The following FANCD2 variants were observed in gnomAD, a reference collection of about 807,000 sequenced individuals.
FANCD2 encodes Fanconi anemia group D2 protein.
A neutral mutation model predicts 192.3 loss-of-function variants in FANCD2; 131 were observed. The observed-to-expected ratio is 0.68, with a 90% confidence interval of 0.59 to 0.79. FANCD2 has a LOEUF of 0.79. Ranked by LOEUF, FANCD2 falls within the 30% of genes least tolerant of loss-of-function variation. The pLI is 0.00. For missense variants in FANCD2, 1,508 were observed against 1,701.6 expected (o/e 0.89, Z 2.00); for synonymous variants, 524 against 612.5 (o/e 0.86, Z 2.13).
chr3:10,062,732 T>C (rs929268091), intron 20 of FANCD2, among the ~76,000 whole-genome samples: 10 of 152,086 alleles, frequency 6.6e-5, no homozygotes, highest in African/African-American at 2.2e-4. Flanking sequence ...TATTTTTAGA[T>C]GGAGTCTCAA....
chr3:10,079,542 G>GATCCGCCCACCTCGGCCTCCCA (rs920533541), intron 30 of FANCD2, among the ~76,000 whole-genome samples: 1 of 152,076 alleles, frequency 6.6e-6, no homozygotes, highest in Non-Finnish European at 1.5e-5. Context: ...CTGACCTCAT[G>GATCCGCCCACCTCGGCCTCCCA]ATCCGCCCAC....
chr3:10,047,520 A>G (rs2087057168), intron 15 of FANCD2, among the ~76,000 whole-genome samples: 1 of 152,290 alleles, frequency 6.6e-6, no homozygotes, highest in South Asian at 2.1e-4. Context: ...TTTTAAAAAA[A>G]TCAGCTTAGT....
rs1693428697 is a variant in FANCD2, at chr3:10,074,542, A to G, written c.2728A>G (p.Lys910Glu). ...RGQLNKEFTG[K>E]EEKTSLLLHN... ...GACTTCCCCATAGGAGTTCACAGGG[A>G]AGGAAGAAAAGACATCATTGTTACT... The change falls in exon 29 of 44, where the codon AAG (lysine) becomes GAG (glutamate). Residue 910 changes from lysine (K) to glutamate (E), a missense_variant. Coordinates refer to ENST00000675286, the MANE Select transcript of FANCD2 (RefSeq NM_001018115.3). The G allele has an allele frequency of 1.2e-6, 2 of 1,613,676 alleles. No homozygotes were observed. The highest frequency in any genetic ancestry group is 1.7e-6 in the Non-Finnish European group (2 of 1,179,812).
At chr3:10,050,595 T>C (rs271994) in intron 17 of FANCD2, among the ~76,000 whole-genome samples, 20 of 128,398 alleles carry the variant, frequency 1.6e-4, no homozygotes, top group South Asian at 4.9e-4. Flanking sequence ...TGCACTCCAG[T>C]CTGGGCGACA....
At chr3:10,085,718 TA>T in intron 32 of FANCD2, 93 bp from the exon 33 acceptor site, 1 of 850,248 alleles carries the variant, frequency 1.2e-6, no homozygotes, top group Non-Finnish European at 2.0e-6. Context: ...ACCGTTAAAC[TA>T]TTGATGGTAC....
chr3:10,087,001 C>A, intron 33 of FANCD2, 133 bp from the exon 34 acceptor site: 1 of 968,630 alleles, frequency 1.0e-6, no homozygotes, highest in Non-Finnish European at 1.7e-6. Context: ...GCTACTAAAG[C>A]ACCTGAAAAT....
At chr3:10,071,828 C>T (rs1218517127) in intron 26 of FANCD2, among the ~76,000 whole-genome samples, 2 of 152,126 alleles carry the variant, frequency 1.3e-5, no homozygotes, top group African/African-American at 4.8e-5. Context: ...GGCACAGTCT[C>T]GGCTTACTGC....
chr3:10,046,452 G>A (rs995862262), intron 14 of FANCD2, 128 bp from the exon 15 acceptor site: 1 of 1,476,030 alleles, frequency 6.8e-7, no homozygotes, highest in Non-Finnish European at 9.2e-7. Context: ...ATACTCCCAG[G>A]GGAGTGTGTG....
At chr3:10,074,298 C>G (rs540903797) in intron 28 of FANCD2, among the ~76,000 whole-genome samples, 6 of 152,116 alleles carry the variant, frequency 3.9e-5, no homozygotes, top group Non-Finnish European at 7.4e-5. Context: ...AATAGATCAT[C>G]CCTAAATAGA....
Position 10,098,708 on chromosome 3 carries a change from A to G in FANCD2, c.4186-12A>G, listed in dbSNP as rs1302907439. The G allele has an allele frequency of 2.5e-6, 4 of 1,614,054 alleles. No individual in the cohort carries two copies. Among genetic ancestry groups the G allele is most frequent in the Non-Finnish European group, 3.4e-6 (4 of 1,179,960 alleles). On this transcript the variant is annotated splice_polypyrimidine_tract_variant and intron_variant, in intron 42 of 43. Coordinates refer to ENST00000675286, the MANE Select transcript of FANCD2 (RefSeq NM_001018115.3). ...TTATAACCCACCATTTTCTTGGTCC[A>G]TTCACATTTAGGGTGAAGAGATTAA...
rs1325015255 is a variant in FANCD2 at position 10,074,667 on chromosome 3, C to T, written c.2853C>T (p.His951=). Residue 951 remains histidine, a synonymous_variant, in exon 29 of 44, where the codon CAC becomes CAT. Coordinates refer to ENST00000675286, the MANE Select transcript of FANCD2 (RefSeq NM_001018115.3). The part of the protein sequence containing the change: ...VTKFILDTEM[H]TEATEVVQLG... ...AGTTCATCTTAGATACTGAAATGCACACTGAAGTAAGTGACAGGCTAGGAT... is the reference window on the plus strand; with the variant it reads ...AGTTCATCTTAGATACTGAAATGCATACTGAAGTAAGTGACAGGCTAGGAT... The T allele has an allele frequency of 1.2e-6, 2 of 1,613,680 alleles. No individual in the cohort carries two copies. The highest frequency in any genetic ancestry group is 2.2e-5 in the East Asian group (1 of 44,814).
intron 9 of FANCD2, chr3:10,041,039 C>G (rs564643032): frequency 6.1e-6 from 1 of 164,460 alleles, no homozygotes; most frequent in African/African-American, 2.4e-5. Context: ...CAAAAACATA[C>G]AAAAATTAGG....
At chr3:10,032,382 G>T in intron 2 of FANCD2, 1 of 329,420 alleles carries the variant, frequency 3.0e-6, no homozygotes, top group Non-Finnish European at 5.9e-6. Context: ...CTGGGCTCAA[G>T]TTATTCTTCC....
At chr3:10,086,405 T>G (rs1257568173) in intron 33 of FANCD2, among the ~76,000 whole-genome samples, 1 of 152,118 alleles carries the variant, frequency 6.6e-6, no homozygotes, top group Non-Finnish European at 1.5e-5. Context: ...TGACTTGGTC[T>G]TTCTCTCACT....
chr3:10,033,948 C>T (rs1454701657), intron 3 of FANCD2, among the ~76,000 whole-genome samples: 13 of 150,682 alleles, frequency 8.6e-5, no homozygotes, highest in Non-Finnish European at 1.6e-4. Flanking sequence ...CCACCTGCCT[C>T]GGCCTCCCAA....
chr3:10,027,636 T>C (rs1402910396), intron 1 of FANCD2, among the ~76,000 whole-genome samples: 4 of 150,984 alleles, frequency 2.6e-5, no homozygotes, highest in Admixed American at 1.3e-4. Flanking sequence ...CGGGCGCGGT[T>C]GGCTCACGCC....
Position 10,064,742 on chromosome 3 carries a change from C to T in FANCD2, c.2035C>T (p.Pro679Ser), listed in dbSNP as rs747164592. Reference protein sequence around the residue: ...CVVPEGDFPFPVKALYGLEEY... With the variant: ...CVVPEGDFPFSVKALYGLEEY... ...TTTTCTCCGCAGTGACTTTCCATTT[C>T]CTGTGAAAGCACTGTACGGACTGGA... The change falls in exon 23 of 44, where the codon CCT becomes TCT. Residue 679 changes from proline to serine, a missense_variant. Transcript: ENST00000675286. 1 of 1,614,168 alleles carries T rather than the reference C, an allele frequency of 6.2e-7. No homozygotes were observed. Among genetic ancestry groups the T allele is most frequent in the Non-Finnish European group, 8.5e-7 (1 of 1,179,984 alleles).
chr3:10,050,495 C>T (rs55724940), intron 17 of FANCD2, among the ~76,000 whole-genome samples: 23,283 of 151,536 alleles, frequency 0.15, 1,853 homozygotes, highest in African/African-American at 0.18. Flanking sequence ...TCGTGGCGGT[C>T]GCCTGTAGTC....
Position 10,069,980 on chromosome 3 carries a change from C to A in FANCD2, c.2494+2663C>A, listed in dbSNP as rs933587663. On this transcript the variant is annotated intron_variant, in intron 26 of 43. Transcript: ENST00000675286. ...GCTGCCCAGTCTGGAAAGTGAGGAG[C>A]GTCTCTGCCCGGCCGCCATCCCATC... Among the ~76,000 whole-genome samples, 11 of 149,054 alleles carry A rather than the reference C, an allele frequency of 7.4e-5. No homozygotes were observed. The East Asian group carries it at 2.2e-3, about 30-fold the overall frequency.
Sources: allele counts gnomAD v4.1 joint callset (sites outside exome capture counted in the v4.1 genomes callset), GRCh38; gene constraint gnomAD v4.1.1; transcripts MANE v1.5; gene names NCBI Gene and HGNC (gene_info 2026-07-23, HGNC 2026-07-21).